GABBR1: variants seen among roughly 807,000 people sequenced by gnomAD.
GABBR1 encodes gamma-aminobutyric acid type B receptor subunit 1.
Under a neutral mutation model 117.7 loss-of-function variants are expected in GABBR1, and 35 were observed. The observed-to-expected ratio is 0.30, with a 90% CI of 0.23 to 0.39. GABBR1 has a LOEUF of 0.39. Among genes scored for constraint, GABBR1 ranks in the 10% least tolerant of loss-of-function variants. The pLI is 1.00. For missense variants in GABBR1, 709 were observed against 1,241.8 expected, an observed-to-expected ratio of 0.57 and a Z score of 6.45; for synonymous variants, 442 against 486.6, an observed-to-expected ratio of 0.91 and a Z score of 1.21.
chr6:29,617,779 T>G (rs1222022038), intron 11 of GABBR1, among the ~76,000 whole-genome samples: 1 of 152,200 alleles, frequency 6.6e-6, no homozygotes, highest in East Asian at 1.9e-4. Flanking sequence ...CTTAACTCTT[T>G]TGTTGAAATG....
chr6:29,615,716 T>C (rs1428107610), intron 11 of GABBR1, among the ~76,000 whole-genome samples: 1 of 147,968 alleles, frequency 6.8e-6, no homozygotes, highest in Non-Finnish European at 1.5e-5. Flanking sequence ...AGCCCAGGAG[T>C]TTGAGACAAG....
At position 29,627,573 on chromosome 6, in the gene GABBR1, G is replaced by C. The variant is rs767486039; in HGVS notation, c.570C>G (p.Pro190=). 6.3e-6 allele frequency: 10 copies of C among 1,586,118 alleles called. No individual in the cohort carries two copies. The South Asian group carries it at 1.0e-4, about 16-fold the overall frequency. ...GGWPGGQACQ[P]AVEMALEDVN... Reference sequence around the variant, plus strand: ...CGTCCTCCAGCGCCATCTCCACCGCGGGCTGGCAGGCCTGGCCCCCTGGCC... The same window carrying C: ...CGTCCTCCAGCGCCATCTCCACCGCCGGCTGGCAGGCCTGGCCCCCTGGCC... The change falls in exon 6 of 23, where the codon CCC becomes CCG. Residue 190 remains proline (P), a synonymous_variant. Transcript: ENST00000377034. This position sits in a 1 kb window ranked among gnomAD's most constrained non-coding sequence, Gnocchi z 4.4.
rs1441803794 is a variant in GABBR1 at position 29,631,925 on chromosome 6, CTAAA to C, written c.86-330_86-327del. On this transcript the variant is annotated intron_variant, in intron 2 of 22. Coordinates refer to ENST00000377034, the MANE Select transcript of GABBR1 (RefSeq NM_001470.4). This position sits in a 1 kb window ranked among gnomAD's most constrained non-coding sequence, Gnocchi z 5.9. ...TGGAGCTTTTCTTTAAAAAAAAAGG[CTAAA>C]TGAGGATATTCGAGTTGAATTAGGA... Among the ~76,000 whole-genome samples the C allele has an allele frequency of 6.7e-6, 1 of 149,452 alleles. No individual in the cohort carries two copies. Among genetic ancestry groups the C allele is most frequent in the African/African-American group, 2.5e-5 (1 of 40,604 alleles).
chr6:29,617,491 G>A (rs535114559), intron 11 of GABBR1, among the ~76,000 whole-genome samples: 5 of 152,010 alleles, frequency 3.3e-5, no homozygotes, highest in East Asian at 3.9e-4. Flanking sequence ...TAGCAGAGAC[G>A]GGGTTTCACC....
In GABBR1 at chr6:29,630,054, A is replaced by C; in HGVS notation, c.475+404T>G. The C allele has an allele frequency of 5.8e-6, 1 of 171,076 alleles. No homozygotes were observed. Among genetic ancestry groups the C allele is most frequent in the Non-Finnish European group, 1.2e-5 (1 of 81,088 alleles). The allele number at this position is 171,076 out of a possible 1,614,324, so 10.6% of individuals were successfully genotyped here. ...TGATTTATTTCTGAGTCTTTACAAT[A>C]AATCAATTATATAAGGAATGGTGAG... is the stretch of plus-strand genomic sequence containing the variant. On this transcript the variant is annotated intron_variant, in intron 4 of 22. Coordinates refer to ENST00000377034, the MANE Select transcript of GABBR1 (RefSeq NM_001470.4). The surrounding 1 kb of genome is among the most constrained non-coding windows in gnomAD (Gnocchi z 4.9).
At chr6:29,618,059 C>G (rs1436779813) in intron 11 of GABBR1, among the ~76,000 whole-genome samples, 2 of 152,036 alleles carry the variant, frequency 1.3e-5, no homozygotes, top group Non-Finnish European at 2.9e-5. Context: ...TACCAGCCAC[C>G]CTACACAGTC....
intron 16 of GABBR1, 161 bp downstream of exon 16, chr6:29,608,440 A>G: frequency 1.4e-6 from 1 of 713,724 alleles, no homozygotes; most frequent in Non-Finnish European, 2.3e-6. Context: ...GAAGGGACAG[A>G]GCCAAACAGA....
Position 29,621,837 on chromosome 6 carries a change from A to G in GABBR1, c.1066-20T>C. On this transcript the variant is annotated intron_variant, in intron 9 of 22. Transcript: ENST00000377034. This position sits in a 1 kb window ranked among gnomAD's most constrained non-coding sequence, Gnocchi z 5.0. ...CTGGCGCTACAACAGAGAAAGAAACAGCTCCTGAGGGATGCCCGGGAATGC... is the reference window on the plus strand; with the variant it reads ...CTGGCGCTACAACAGAGAAAGAAACGGCTCCTGAGGGATGCCCGGGAATGC... The G allele has an allele frequency of 6.2e-7, 1 of 1,613,698 alleles. No homozygotes were observed. The highest frequency in any genetic ancestry group is 1.1e-5 in the South Asian group (1 of 91,072).
rs3025637 is a variant in GABBR1 at position 29,606,069 on chromosome 6, G to A, written c.2311+322C>T. 2,418 of 525,570 alleles carry A rather than the reference G, an allele frequency of 4.6e-3. 28 individuals are homozygous for A. The highest frequency in any genetic ancestry group is 0.034 in the African/African-American group (1,794 of 53,042). The allele number at this position is 525,570 out of a possible 1,614,324, so 32.6% of individuals were successfully genotyped here. A position where few individuals can be genotyped will look rare whatever the true frequency, so the allele number is the denominator to read the frequency against. The stretch of plus-strand genomic sequence containing the variant: ...GGTTTGCAATTTGTGACCATGAATC[G>A]AACAATGCTAATAAGGCCAAGGGGG... On this transcript the variant is annotated intron_variant, in intron 19 of 22. Transcript: ENST00000377034. This position sits in a 1 kb window ranked among gnomAD's most constrained non-coding sequence, Gnocchi z 4.5.
At position 29,630,075 on chromosome 6, in the gene GABBR1, G is replaced by A. The variant is rs148107887; in HGVS notation, c.475+383C>T. On this transcript the variant is annotated intron_variant, in intron 4 of 22. Transcript: ENST00000377034. The surrounding 1 kb of genome is among the most constrained non-coding windows in gnomAD (Gnocchi z 4.9). Reference sequence around the variant, plus strand: ...CAATAAATCAATTATATAAGGAATGGTGAGGGATGAATTCTAGAAGAGGGT... The same window carrying A: ...CAATAAATCAATTATATAAGGAATGATGAGGGATGAATTCTAGAAGAGGGT... 348 of 201,822 alleles carry A rather than the reference G, an allele frequency of 1.7e-3. 6 individuals are homozygous for A. In the Middle Eastern group the frequency reaches 0.018, roughly 10 times the overall value. The allele number at this position is 201,822 out of a possible 1,614,324, so 12.5% of individuals were successfully genotyped here.
At position 29,604,773 on chromosome 6, in the gene GABBR1, G is replaced by A. The variant is rs916076733; in HGVS notation, c.2568+87C>T. On this transcript the variant is annotated intron_variant, in intron 21 of 22. Coordinates refer to ENST00000377034, the MANE Select transcript of GABBR1 (RefSeq NM_001470.4). This position sits in a 1 kb window ranked among gnomAD's most constrained non-coding sequence, Gnocchi z 5.3. The stretch of plus-strand genomic sequence containing the variant: ...GGGGAGGAGTGAGAGGAGGGTGAAC[G>A]GAAGGGCAGAGGAACTCAGTAATAT... 8 of 1,582,062 alleles carry A rather than the reference G, an allele frequency of 5.1e-6. No homozygotes were observed. Among genetic ancestry groups the A allele is most frequent in the East Asian group, 4.5e-5 (2 of 44,602 alleles).
At chr6:29,615,606 C>T (rs892072619) in intron 11 of GABBR1, among the ~76,000 whole-genome samples, 3 of 105,918 alleles carry the variant, frequency 2.8e-5, no homozygotes, top group Non-Finnish European at 6.2e-5. Context: ...GAGACTCTGC[C>T]TTTAAAAAAA....
At position 29,606,444 on chromosome 6, in the gene GABBR1, G is replaced by C. The variant is rs778187716; in HGVS notation, c.2258C>G (p.Ser753Cys). The change falls in exon 19 of 23, where the codon TCT becomes TGT. Residue 753 changes from serine (S) to cysteine (C), a missense_variant. By Grantham distance (112) the Ser-to-Cys change is moderately radical. Around this residue, in one of 9 missense-constraint regions of GABBR1, gnomAD observed 251 missense variants for 445.3 expected, o/e 0.56. Coordinates refer to ENST00000377034, the MANE Select transcript of GABBR1 (RefSeq NM_001470.4). The surrounding 1 kb of genome is among the most constrained non-coding windows in gnomAD (Gnocchi z 4.5). Reference sequence around the variant, plus strand: ...GCAATGCTCCAGCTGGGGCAGAATAGAGACGTCAATATCTTCCTTAGGTTC... The same window carrying C: ...GCAATGCTCCAGCTGGGGCAGAATACAGACGTCAATATCTTCCTTAGGTTC... ...KEEPKEDIDV[S>C]ILPQLEHCSS... The C allele has an allele frequency of 5.0e-6, 8 of 1,612,902 alleles. No individual in the cohort carries two copies. The highest frequency in any genetic ancestry group is 1.3e-5 in the African/African-American group (1 of 74,902).
rs1386700124 is a variant in GABBR1, at chr6:29,606,787, G to C, written c.2217+110C>G. 4.7e-6 allele frequency: 4 copies of C among 846,096 alleles called. No homozygotes were observed. In the East Asian group the frequency reaches 1.1e-4, roughly 22 times the overall value. The allele number at this position is 846,096 out of a possible 1,614,324, so 52.4% of individuals were successfully genotyped here. On this transcript the variant is annotated intron_variant, in intron 18 of 22. Coordinates refer to ENST00000377034, the MANE Select transcript of GABBR1 (RefSeq NM_001470.4). The surrounding 1 kb of genome is among the most constrained non-coding windows in gnomAD (Gnocchi z 4.5). ...AGGAAGAGCTTCCAATACGAGGAAGGCACTCTCTCCAAGTAGCTTCATCCC... is the reference window on the plus strand; with the variant it reads ...AGGAAGAGCTTCCAATACGAGGAAGCCACTCTCTCCAAGTAGCTTCATCCC...
chr6:29,623,220 C>A lies in GABBR1; in HGVS notation c.963+85G>T. On this transcript the variant is annotated intron_variant, in intron 8 of 22. Transcript: ENST00000377034. This position sits in a 1 kb window ranked among gnomAD's most constrained non-coding sequence, Gnocchi z 6.2. ...CTTTCAATGAAGAATCAAGTTCTTG[C>A]CCCTAAAAGTGACTCTCACGTCACA... The A allele has an allele frequency of 8.3e-7, 1 of 1,209,866 alleles. No individual in the cohort carries two copies. Among genetic ancestry groups the A allele is most frequent in the Non-Finnish European group, 1.2e-6 (1 of 851,682 alleles). 74.9% of individuals were successfully genotyped at this position (1,209,866 alleles called of 1,614,324 possible). A position where few individuals can be genotyped will look rare whatever the true frequency, so the allele number is the denominator to read the frequency against.
chr6:29,627,497 G>C lies in GABBR1; in HGVS notation c.646C>G (p.His216Asp). 1 of 1,602,846 alleles carries C rather than the reference G, an allele frequency of 6.2e-7. No homozygotes were observed. Among genetic ancestry groups the C allele is most frequent in the Non-Finnish European group, 8.5e-7 (1 of 1,174,886 alleles). ...LPDYELKLIH[H>D]DSKCDPGQAT... ...ATGTCCAGGGCTACCTTGCTGTCGT[G>C]GTGGATGAGCTTGAGCTCATAGTCC... The change falls in exon 6 of 23, where the codon CAC (histidine) becomes GAC (aspartate). Residue 216 changes from histidine (H) to aspartate (D), a missense_variant. By Grantham distance (81) the His-to-Asp change is moderately conservative. Transcript: ENST00000377034. The surrounding 1 kb of genome is among the most constrained non-coding windows in gnomAD (Gnocchi z 4.4).
chr6:29,603,684 T>C lies in GABBR1; in HGVS notation c.2745A>G (p.Gln915=), dbSNP rs566653887. The change falls in exon 23 of 23, where the codon CAA becomes CAG. Residue 915 remains glutamine, a synonymous_variant. Transcript: ENST00000377034. ...KEERVSELRH[Q]LQSRQQLRSR... ...AGCGGAGCTGCTGCCGAGACTGGAGTTGATGGCGCAGTTCAGAGACACGCT... is the reference window on the plus strand; with the variant it reads ...AGCGGAGCTGCTGCCGAGACTGGAGCTGATGGCGCAGTTCAGAGACACGCT... The C allele has an allele frequency of 4.4e-5, 67 of 1,507,070 alleles. No homozygotes were observed. In the African/African-American group the frequency reaches 8.7e-4, roughly 20 times the overall value. 93.4% of individuals were successfully genotyped at this position (1,507,070 alleles called of 1,614,324 possible).
In GABBR1 at chr6:29,630,305, T is replaced by A; in HGVS notation, c.475+153A>T. On this transcript the variant is annotated intron_variant, in intron 4 of 22. Coordinates refer to ENST00000377034, the MANE Select transcript of GABBR1 (RefSeq NM_001470.4). The surrounding 1 kb of genome is among the most constrained non-coding windows in gnomAD (Gnocchi z 4.9). ...ACTGCAAGAGGAAGTTTGAGGCAGG[T>A]GATGGAGGAAAAAGGGACTTTCATC... 1 of 634,426 alleles carries A rather than the reference T, an allele frequency of 1.6e-6. No individual in the cohort carries two copies. The highest frequency in any genetic ancestry group is 2.7e-6 in the Non-Finnish European group (1 of 372,192). 39.3% of individuals were successfully genotyped at this position (634,426 alleles called of 1,614,324 possible).
chr6:29,625,133 G>A (rs1162646014), intron 6 of GABBR1, among the ~76,000 whole-genome samples: 1 of 152,166 alleles, frequency 6.6e-6, no homozygotes, highest in Non-Finnish European at 1.5e-5. Flanking sequence ...TGAAGAACCA[G>A]CAGTCACTGA....
Sources: gnomAD v4.1 joint callset for allele counts (sites outside exome capture counted in the v4.1 genomes callset) on GRCh38, gnomAD v4.1.1 for gene constraint, gnomAD v4.1.1 regional missense constraint, Gnocchi (gnomAD v3.1) non-coding constraint, MANE v1.5 for transcripts, NCBI Gene and HGNC (gene_info 2026-07-23, HGNC 2026-07-21) for gene names.